Variants in POU2F2 observed in about 807,000 individuals in gnomAD.
POU2F2 encodes POU domain, class 2, transcription factor 2.
A neutral mutation model predicts 63.5 loss-of-function variants in POU2F2; 14 were observed. That is an observed-to-expected ratio of 0.22 (90% confidence interval 0.15 to 0.34). The LOEUF is 0.34. Ranked by LOEUF, POU2F2 falls within the 10% of genes least tolerant of loss-of-function variation. POU2F2 has a pLI of 1.00. For synonymous variants in POU2F2, 306 were observed against 348.6 expected (o/e 0.88, Z 1.36); for missense variants, 607 against 815.2 (o/e 0.74, Z 3.11).
intron 5 of POU2F2, among the ~76,000 whole-genome samples, chr19:42,108,352 A>C (rs2030481081): frequency 6.6e-6 from 1 of 152,196 alleles, no homozygotes; most frequent in African/African-American, 2.4e-5. Flanking sequence ...GCACTTTGGG[A>C]GGCTGAGACA....
At position 42,086,321 on chromosome 19, in the gene POU2F2, G is replaced by C. The variant is rs1388640361; in HGVS notation, c.*4936C>G. On this transcript the variant is annotated 3_prime_UTR_variant, in exon 15 of 15. Transcript: ENST00000692977. Reference sequence around the variant, plus strand: ...GGGAAGGAAGGGGCTACCAACACAGGGGTCAGACGGAACTGAAAGGGAGGC... The same window carrying C: ...GGGAAGGAAGGGGCTACCAACACAGCGGTCAGACGGAACTGAAAGGGAGGC... 1.3e-5 allele frequency: 2 copies of C among 152,092 alleles called. No homozygotes were observed. The highest frequency in any genetic ancestry group is 4.8e-5 in the African/African-American group (2 of 41,366). 9.4% of individuals were successfully genotyped at this position (152,092 alleles called of 1,614,324 possible).
At position 42,091,853 on chromosome 19, in the gene POU2F2, G is replaced by T. The variant is rs2076728285; in HGVS notation, c.1540+14C>A. The T allele has an allele frequency of 1.9e-6, 3 of 1,538,778 alleles. No homozygotes were observed. The highest frequency in any genetic ancestry group is 1.4e-5 in the African/African-American group (1 of 73,042). The stretch of plus-strand genomic sequence containing the variant: ...GGGCTGGTGACGATGGGTGTGACAT[G>T]AGGCAGCACGCACCTTGGATAGTGG... On this transcript the variant is annotated intron_variant, in intron 14 of 14. Transcript: ENST00000692977.
chr19:42,156,231 C>G lies in POU2F2; in HGVS notation c.-9+4101G>C, dbSNP rs1316411244. The G allele has an allele frequency of 6.6e-6, 1 of 152,110 alleles. No homozygotes were observed. Among genetic ancestry groups the G allele is most frequent in the Non-Finnish European group, 1.5e-5 (1 of 67,998 alleles). 9.4% of individuals were successfully genotyped at this position (152,110 alleles called of 1,614,324 possible). On this transcript the variant is annotated intron_variant, in intron 2 of 6. Transcript: ENST00000524801. This position sits in a 1 kb window ranked among gnomAD's most constrained non-coding sequence, Gnocchi z 4.1. ...CAGGGATTCCAGGGACCCACTGGTC[C>G]CCGAACTGGCTCAGAGATGCAAGCC... is the stretch of plus-strand genomic sequence containing the variant.
At chr19:42,150,827 G>T (rs933404406) in intron 2 of POU2F2, among the ~76,000 whole-genome samples, 2 of 151,740 alleles carry the variant, frequency 1.3e-5, no homozygotes, top group Non-Finnish European at 2.9e-5. Flanking sequence ...GGGGGCATCT[G>T]CCTGGGCCAG....
intron 1 of POU2F2, among the ~76,000 whole-genome samples, chr19:42,171,432 G>A (rs112887420): frequency 4.5e-5 from 3 of 66,540 alleles, no homozygotes; most frequent in Non-Finnish European, 1.0e-4. Flanking sequence ...GCTGCGCTTC[G>A]TGTGTGTGTG....
At position 42,152,406 on chromosome 19, in the gene POU2F2, C is replaced by T. The variant is rs931137353; in HGVS notation, c.-9+7926G>A. 1.3e-5 allele frequency among the ~76,000 whole-genome samples: 2 copies of T among 152,168 alleles called. No individual in the cohort carries two copies. The highest frequency in any genetic ancestry group is 1.9e-4 in the East Asian group (1 of 5,176). ...GATGGGCCGAGGACTATAGGGGTCC[C>T]GGCTGCCCTCCCCCAAACCTCCCCT... On this transcript the variant is annotated intron_variant, in intron 2 of 6. Transcript: ENST00000524801. This position sits in a 1 kb window ranked among gnomAD's most constrained non-coding sequence, Gnocchi z 4.1.
chr19:42,177,013 C>CGCGGGCGG (rs1488645483), upstream of POU2F2: 3 of 134,826 alleles, frequency 2.2e-5, no homozygotes, highest in Admixed American at 7.3e-5. Flanking sequence ...GCAAGCGCGG[C>CGCGGGCGG]GCGGGCGGGC....
intron 5 of POU2F2, among the ~76,000 whole-genome samples, chr19:42,105,401 G>T (rs907245418): frequency 1.3e-5 from 2 of 152,016 alleles, no homozygotes; most frequent in Non-Finnish European, 2.9e-5. Context: ...CCACTGAATT[G>T]AATCTAATGA....
rs1355265605 is a variant in POU2F2 at position 42,155,690 on chromosome 19, C to T, written c.-9+4642G>A. ...TTATCCTCCTCTCTTTCCTACCCCA[C>T]CTCACACCCACCCCAGGCCGGATCT... On this transcript the variant is annotated intron_variant, in intron 2 of 6. Coordinates refer to the POU2F2 transcript ENST00000524801. This position sits in a 1 kb window ranked among gnomAD's most constrained non-coding sequence, Gnocchi z 4.2. The T allele has an allele frequency of 6.6e-6, 1 of 152,276 alleles. No homozygotes were observed. The highest frequency in any genetic ancestry group is 1.5e-5 in the Non-Finnish European group (1 of 68,098). 9.4% of individuals were successfully genotyped at this position (152,276 alleles called of 1,614,324 possible).
chr19:42,181,925 A>C (rs2034965261), intron 1 of POU2F2, among the ~76,000 whole-genome samples: 1 of 152,140 alleles, frequency 6.6e-6, no homozygotes, highest in Non-Finnish European at 1.5e-5. Context: ...TTCATTAATG[A>C]AACATTTGTT....
intron 5 of POU2F2, chr19:42,110,692 G>A (rs954861953): frequency 4.6e-5 from 21 of 455,572 alleles, no homozygotes; most frequent in African/African-American, 1.6e-4. Flanking sequence ...ACCTCAGGCC[G>A]TTCCTTACCC....
At chr19:42,136,186 C>CTT (rs775409108), upstream of POU2F2, among the ~76,000 whole-genome samples, 1,624 of 130,452 alleles carry the variant, frequency 0.012, 30 homozygotes, top group Non-Finnish European at 0.019. Context: ...CTATGCTTTC[C>CTT]TTTTTTTTTT....
upstream of POU2F2, chr19:42,133,470 C>G (rs2033898353): frequency 6.5e-6 from 1 of 154,678 alleles, no homozygotes; most frequent in Admixed American, 6.5e-5. This position sits in a 1 kb window ranked among gnomAD's most constrained non-coding sequence, Gnocchi z 5.1. Context: ...GGCTGTGGGG[C>G]TGCCTGGCGT....
At chr19:42,195,862 C>A (rs539362491) in intron 1 of POU2F2, among the ~76,000 whole-genome samples, 1 of 151,544 alleles carries the variant, frequency 6.6e-6, no homozygotes, top group South Asian at 2.1e-4. Flanking sequence ...TCACTGCAAC[C>A]TCCACCTCCC....
intron 1 of POU2F2, among the ~76,000 whole-genome samples, chr19:42,166,428 G>A (rs1438835109): frequency 6.6e-5 from 10 of 152,108 alleles, no homozygotes; most frequent in South Asian, 2.1e-4. Context: ...TATTATTAGC[G>A]TCATCATCAC....
Position 42,155,089 on chromosome 19 carries a change from G to A in POU2F2, c.-9+5243C>T, listed in dbSNP as rs2034432781. Among the ~76,000 whole-genome samples the A allele has an allele frequency of 6.6e-6, 1 of 152,186 alleles. No individual in the cohort carries two copies. The highest frequency in any genetic ancestry group is 6.5e-5 in the Admixed American group (1 of 15,288). On this transcript the variant is annotated intron_variant, in intron 2 of 6. Transcript: ENST00000524801. This position sits in a 1 kb window ranked among gnomAD's most constrained non-coding sequence, Gnocchi z 4.2. The stretch of plus-strand genomic sequence containing the variant: ...CTGGGGGGTGGGGGGCCAGGTGTGA[G>A]GTCCTTCCTTCCTGCCCCACAGTCC...
intron 2 of POU2F2, among the ~76,000 whole-genome samples, chr19:42,142,792 G>C (rs950206900): frequency 6.6e-6 from 1 of 151,302 alleles, no homozygotes; most frequent in East Asian, 2.0e-4. Flanking sequence ...TTGAACTCCC[G>C]GGCTCAAGCG....
chr19:42,130,112 G>A (rs950738010), intron 1 of POU2F2, among the ~76,000 whole-genome samples: 7 of 152,016 alleles, frequency 4.6e-5, no homozygotes, highest in African/African-American at 1.7e-4. Flanking sequence ...CCAGACACAC[G>A]TAAAAAGTAT....
chr19:42,126,005 G>A (rs1313260694), intron 1 of POU2F2, among the ~76,000 whole-genome samples: 1 of 152,196 alleles, frequency 6.6e-6, no homozygotes, highest in Non-Finnish European at 1.5e-5. Context: ...TATGGGCTAA[G>A]TTGCATCTAC....
Sources: gnomAD v4.1 joint callset for allele counts (sites outside exome capture counted in the v4.1 genomes callset) on GRCh38, gnomAD v4.1.1 for gene constraint, Gnocchi (gnomAD v3.1) non-coding constraint, MANE v1.5 for transcripts, NCBI Gene and HGNC (gene_info 2026-07-23, HGNC 2026-07-21) for gene names.